GABPB2: variants seen among roughly 807,000 people sequenced by gnomAD.
GABPB2 encodes GA-binding protein subunit beta-2.
In GABPB2, 23 loss-of-function variants were observed where a neutral mutation model predicts 39.1. The observed-to-expected ratio is 0.59, with a 90% confidence interval of 0.42 to 0.83. The LOEUF is 0.83. GABPB2 is among the 40% of genes least tolerant of loss of function. The probability of loss-of-function intolerance (pLI) is 0.00; values close to 1 mark genes in which losing one functional copy is unlikely to be tolerated. For synonymous variants in GABPB2, 184 were observed against 199.3 expected (o/e 0.92, Z 0.65); for missense variants, 467 against 541.1 (o/e 0.86, Z 1.36).
intron 1 of GABPB2, among the ~76,000 whole-genome samples, chr1:151,074,568 C>T (rs1677008743): frequency 6.6e-6 from 1 of 151,778 alleles, no homozygotes; most frequent in Admixed American, 6.6e-5. Context: ...AGCCGCCCTC[C>T]TCAGCCTCCC....
At chr1:151,110,319 T>C (rs1264331553) in intron 7 of GABPB2, among the ~76,000 whole-genome samples, 1 of 152,042 alleles carries the variant, frequency 6.6e-6, no homozygotes, top group Non-Finnish European at 1.5e-5. Context: ...AATTTATGCA[T>C]TGCTGATATT....
At chr1:151,087,038 A>G (rs1558133193) in intron 1 of GABPB2, among the ~76,000 whole-genome samples, 1 of 151,924 alleles carries the variant, frequency 6.6e-6, no homozygotes, top group Non-Finnish European at 1.5e-5. Context: ...TATTTTTAGT[A>G]GAGACAGGGT....
At chr1:151,087,325 C>T (rs114341182) in intron 1 of GABPB2, among the ~76,000 whole-genome samples, 1,663 of 152,090 alleles carry the variant, frequency 0.011, 37 homozygotes, top group African/African-American at 0.038. Flanking sequence ...TATGATTACA[C>T]GATAGTCAGA....
At chr1:151,098,729 CTT>C in intron 5 of GABPB2, among the ~76,000 whole-genome samples, 1 of 152,106 alleles carries the variant, frequency 6.6e-6, no homozygotes, top group South Asian at 2.1e-4. Context: ...TGGATTTGTT[CTT>C]AGTGCATATA....
rs1676638080 is a variant in GABPB2 at position 151,070,798 on chromosome 1, T to G, written c.-137T>G. On this transcript the variant is annotated 5_prime_UTR_variant, in exon 1 of 9. Transcript: ENST00000368918. The stretch of plus-strand genomic sequence containing the variant: ...CCTCTGTTTCTCCACGAGGGGGGGT[T>G]AAAGGCCCCCAAAACATGCACACAT... 1.3e-5 allele frequency: 2 copies of G among 152,054 alleles called. No individual in the cohort carries two copies. 9.4% of individuals were successfully genotyped at this position (152,054 alleles called of 1,614,324 possible). A position where few individuals can be genotyped will look rare whatever the true frequency, so the allele number is the denominator to read the frequency against.
intron 5 of GABPB2, among the ~76,000 whole-genome samples, chr1:151,101,547 C>G (rs587644551): frequency 2.5e-3 from 385 of 151,548 alleles, no homozygotes; most frequent in Non-Finnish European, 4.3e-3. Context: ...GCACTCCAGT[C>G]TGGGCAACAA....
At chr1:151,094,738 GGCTCA>G (rs1678981203) in intron 4 of GABPB2, among the ~76,000 whole-genome samples, 1 of 149,822 alleles carries the variant, frequency 6.7e-6, no homozygotes, top group African/African-American at 2.5e-5. Flanking sequence ...CAGGCGTGGT[GGCTCA>G]TGCCTGTAAT....
At position 151,097,846 on chromosome 1, in the gene GABPB2, T is replaced by C; in HGVS notation, c.472-6T>C. 6.2e-7 allele frequency: 1 copy of C among 1,612,690 alleles called. No individual in the cohort carries two copies. The highest frequency in any genetic ancestry group is 8.5e-7 in the Non-Finnish European group (1 of 1,179,428). ...TCTGATTGAAATATCCTGCCTTGTT[T>C]GATAGGAAGCAATGCAGAATCAGGT... is the stretch of plus-strand genomic sequence containing the variant. On this transcript the variant is annotated splice_region_variant and splice_polypyrimidine_tract_variant and intron_variant, in intron 4 of 8. Transcript: ENST00000368918.
intron 1 of GABPB2, among the ~76,000 whole-genome samples, chr1:151,079,893 A>T (rs1279969275): frequency 6.7e-6 from 1 of 150,062 alleles, no homozygotes; most frequent in Non-Finnish European, 1.5e-5. Context: ...AAACTCTGTC[A>T]CACACACACA....
intron 1 of GABPB2, among the ~76,000 whole-genome samples, chr1:151,072,285 G>C (rs1014743691): frequency 6.6e-6 from 1 of 152,170 alleles, no homozygotes; most frequent in Non-Finnish European, 1.5e-5. Flanking sequence ...AGTGGCTCAC[G>C]CCTGTAATCC....
chr1:151,079,649 C>T (rs1677481881), intron 1 of GABPB2, among the ~76,000 whole-genome samples: 1 of 152,100 alleles, frequency 6.6e-6, no homozygotes, highest in African/African-American at 2.4e-5. Context: ...GGCCTGTATC[C>T]CAGCACTTTG....
chr1:151,093,254 G>A lies in GABPB2; in HGVS notation c.339G>A (p.Glu113=), dbSNP rs745491429. The part of the protein sequence containing the change: ...LKMTALHWAT[E]RHHRDVVELL... ...TGACAGCTTTGCATTGGGCCACAGAGCGCCACCATCGAGATGTCGTAGAGT... is the reference window on the plus strand; with the variant it reads ...TGACAGCTTTGCATTGGGCCACAGAACGCCACCATCGAGATGTCGTAGAGT... The change falls in exon 4 of 9, where the codon GAG becomes GAA. Residue 113 remains glutamate, a synonymous_variant. Coordinates refer to ENST00000368918, the MANE Select transcript of GABPB2 (RefSeq NM_144618.3). The A allele has an allele frequency of 4.3e-6, 7 of 1,611,816 alleles. No homozygotes were observed. Among genetic ancestry groups the A allele is most frequent in the Non-Finnish European group, 5.1e-6 (6 of 1,179,228 alleles).
chr1:151,120,027 A>C lies in GABPB2; in HGVS notation c.*1771A>C. 1 of 152,160 alleles carries C rather than the reference A, an allele frequency of 6.6e-6. No homozygotes were observed. The highest frequency in any genetic ancestry group is 2.4e-5 in the African/African-American group (1 of 41,476). 9.4% of individuals were successfully genotyped at this position (152,160 alleles called of 1,614,324 possible). ...GGAGTTCCAGACCAGCCTGACCAAC[A>C]TGGAGAAACCCTGTCTCTACTAAAA... On this transcript the variant is annotated 3_prime_UTR_variant, in exon 9 of 9. Coordinates refer to ENST00000368918, the MANE Select transcript of GABPB2 (RefSeq NM_144618.3).
intron 1 of GABPB2, among the ~76,000 whole-genome samples, chr1:151,078,004 C>T (rs1418562048): frequency 2.0e-5 from 3 of 151,692 alleles, no homozygotes; most frequent in East Asian, 3.9e-4. Flanking sequence ...GGCACGGTGG[C>T]TCACGCCTGT....
chr1:151,084,532 G>GTTTT (rs759845986), intron 1 of GABPB2, among the ~76,000 whole-genome samples: 5 of 98,604 alleles, frequency 5.1e-5, no homozygotes, highest in African/African-American at 1.2e-4. Context: ...GGCCCTAGCT[G>GTTTT]TTTTTTTTTT....
At position 151,090,441 on chromosome 1, in the gene GABPB2, T is replaced by C. The variant is rs1209026382; in HGVS notation, c.144T>C (p.Tyr48=). 1 of 1,613,928 alleles carries C rather than the reference T, an allele frequency of 6.2e-7. No individual in the cohort carries two copies. Among genetic ancestry groups the C allele is most frequent in the East Asian group, 2.2e-5 (1 of 44,888 alleles). Residue 48 remains tyrosine (Y), a synonymous_variant, in exon 3 of 9, where the codon TAT becomes TAC. Transcript: ENST00000368918. ...GTSPLHLAAQ[Y]GHYSTAEVLL... ...CACCCCTCCACCTTGCAGCTCAATA[T>C]GGTCATTATTCCACAGCAGAAGTAC...
chr1:151,092,197 C>A (rs901519373), intron 3 of GABPB2, among the ~76,000 whole-genome samples: 1 of 150,288 alleles, frequency 6.7e-6, no homozygotes, highest in Non-Finnish European at 1.5e-5. Context: ...ACCTCTGCCT[C>A]CCAGGTTCAA....
intron 5 of GABPB2, among the ~76,000 whole-genome samples, chr1:151,101,779 AG>A (rs1208796712): frequency 6.6e-6 from 1 of 152,200 alleles, no homozygotes; most frequent in Non-Finnish European, 1.5e-5. Flanking sequence ...CTGGCATAAT[AG>A]GTATCTCTGA....
At chr1:151,110,117 C>T (rs1368956267) in intron 7 of GABPB2, among the ~76,000 whole-genome samples, 2 of 145,620 alleles carry the variant, frequency 1.4e-5, no homozygotes, top group Admixed American at 1.4e-4. Flanking sequence ...CTGCCTTGGC[C>T]TCCCAAAGTG....
Sources: gnomAD v4.1 joint callset for allele counts (sites outside exome capture counted in the v4.1 genomes callset) on GRCh38, gnomAD v4.1.1 for gene constraint, MANE v1.5 for transcripts, NCBI Gene and HGNC (gene_info 2026-07-23, HGNC 2026-07-21) for gene names.